Variants in IRX5 observed in about 807,000 individuals in gnomAD.
The protein encoded by IRX5 is iroquois homeobox 5.
A neutral mutation model predicts 37.6 loss-of-function variants in IRX5; 8 were observed. The ratio of observed to expected loss-of-function variants is 0.21; its 90% CI spans 0.12 to 0.38. The LOEUF (loss-of-function observed/expected upper bound fraction) is 0.38, where lower values mean the gene tolerates loss of function less well. Among genes scored for constraint, IRX5 ranks in the 10% least tolerant of loss-of-function variants. IRX5 has a pLI of 1.00. For synonymous variants in IRX5, 359 were observed against 328.6 expected, an observed-to-expected ratio of 1.09 and a Z score of -1.00; for missense variants, 635 against 695.2, an observed-to-expected ratio of 0.91 and a Z score of 0.97.
chr16:54,932,286 C>T lies in IRX5; in HGVS notation c.250-212C>T. ...GACAGCTTCAGGGGCCCCAGAAGGA[C>T]CTGACCCAGAAATTGAGGTCCCCGC... On this transcript the variant is annotated intron_variant, in intron 1 of 2. Transcript: ENST00000394636. This position sits in a 1 kb window ranked among gnomAD's most constrained non-coding sequence, Gnocchi z 6.7. 1 of 669,656 alleles carries T rather than the reference C, an allele frequency of 1.5e-6. No homozygotes were observed. 41.5% of individuals were successfully genotyped at this position (669,656 alleles called of 1,614,324 possible).
In IRX5 at chr16:54,933,205, G is replaced by C; in HGVS notation, c.784G>C (p.Asp262His). The change falls in exon 3 of 3, where the codon GAC becomes CAC. Residue 262 changes from aspartate to histidine, a missense_variant. Asp to His is a moderately conservative substitution (Grantham distance 81, BLOSUM62 -1). Around this residue, in one of 5 missense-constraint regions of IRX5, gnomAD observed 244 missense variants for 205.4 expected, o/e 1.19. Coordinates refer to ENST00000394636, the MANE Select transcript of IRX5 (RefSeq NM_005853.6). Reference sequence around the variant, plus strand: ...GGAGCCGCCCTCGGAGGGCCGCCTCGACGCGCTGCAGGGCCCCCCCCGCAC... The same window carrying C: ...GGAGCCGCCCTCGGAGGGCCGCCTCCACGCGCTGCAGGGCCCCCCCCGCAC... The part of the protein sequence containing the change: ...FKEPPSEGRL[D>H]ALQGPPRTGG... 5.2e-6 allele frequency: 8 copies of C among 1,533,916 alleles called. No homozygotes were observed. The highest frequency in any genetic ancestry group is 7.0e-6 in the Non-Finnish European group (8 of 1,147,130).
chr16:54,933,834 C>T lies in IRX5; in HGVS notation c.1413C>T (p.Asp471=). ...AGTCTCAGCTAGACCTGTGCAAAGA[C>T]TCTCCCTATGAATTGAAGAAAGGTA... ...RSQSQLDLCK[D]SPYELKKGMS... Residue 471 remains aspartate, a synonymous_variant, in exon 3 of 3, where the codon GAC becomes GAT. Transcript: ENST00000394636. 1 of 1,611,094 alleles carries T rather than the reference C, an allele frequency of 6.2e-7. No individual in the cohort carries two copies.
Position 54,931,303 on chromosome 16 carries a change from G to T in IRX5, c.105G>T (p.Glu35Asp), listed in dbSNP as rs1390213074. Residue 35 changes from glutamate (E) to aspartate (D), a missense_variant, in exon 1 of 3, where the codon GAG becomes GAT. Glu to Asp is a conservative substitution (Grantham distance 45, BLOSUM62 2). Coordinates refer to ENST00000394636, the MANE Select transcript of IRX5 (RefSeq NM_005853.6). ...TSVISGPRTD[E>D]LGRSSSGSAF... ...TCATTTCGGGGCCCCGCACGGATGA[G>T]CTCGGCCGCTCTTCTTCGGGCTCCG... The T allele has an allele frequency of 6.2e-7, 1 of 1,612,370 alleles. No homozygotes were observed. Among genetic ancestry groups the T allele is most frequent in the Non-Finnish European group, 8.5e-7 (1 of 1,179,622 alleles).
At position 54,933,243 on chromosome 16, in the gene IRX5, C is replaced by A. The variant is rs1963924862; in HGVS notation, c.822C>A (p.Ser274=). Residue 274 remains serine, a synonymous_variant, in exon 3 of 3, where the codon TCC becomes TCA. Coordinates refer to ENST00000394636, the MANE Select transcript of IRX5 (RefSeq NM_005853.6). ...LQGPPRTGGP[S]PAGPAAARLA... ...GCCCCCCCCGCACCGGCGGGCCCTCCCCGGCTGGGCCAGCGGCGGCGCGGC... is the reference window on the plus strand; with the variant it reads ...GCCCCCCCCGCACCGGCGGGCCCTCACCGGCTGGGCCAGCGGCGGCGCGGC... 6 of 1,408,572 alleles carry A rather than the reference C, an allele frequency of 4.3e-6. No individual in the cohort carries two copies. The highest frequency in any genetic ancestry group is 5.5e-6 in the Non-Finnish European group (6 of 1,090,044). The allele number at this position is 1,408,572 out of a possible 1,614,324, so 87.3% of individuals were successfully genotyped here. A position where few individuals can be genotyped will look rare whatever the true frequency, so the allele number is the denominator to read the frequency against.
chr16:54,931,344 C>T lies in IRX5; in HGVS notation c.146C>T (p.Ala49Val), dbSNP rs1190042085. The T allele has an allele frequency of 6.2e-7, 1 of 1,609,766 alleles. No individual in the cohort carries two copies. The highest frequency in any genetic ancestry group is 8.5e-7 in the Non-Finnish European group (1 of 1,179,592). The change falls in exon 1 of 3, where the codon GCT becomes GTT. Residue 49 changes from alanine to valine, a missense_variant. Coordinates refer to ENST00000394636, the MANE Select transcript of IRX5 (RefSeq NM_005853.6). The part of the protein sequence containing the change: ...SSSGSAFSPY[A>V]GSTAFTAPSP... ...TCGGGCTCCGCGTTCTCGCCCTACG[C>T]TGGCTCGACTGCCTTCACGGCGCCC...
chr16:54,933,271 G>A lies in IRX5; in HGVS notation c.850G>A (p.Ala284Thr). 7.5e-7 allele frequency: 1 copy of A among 1,325,608 alleles called. No homozygotes were observed. Among genetic ancestry groups the A allele is most frequent in the Non-Finnish European group, 9.5e-7 (1 of 1,048,606 alleles). The allele number at this position is 1,325,608 out of a possible 1,614,324, so 82.1% of individuals were successfully genotyped here. The change falls in exon 3 of 3, where the codon GCG becomes ACG. Residue 284 changes from alanine to threonine, a missense_variant. Physicochemically the swap from Ala to Thr is moderately conservative, Grantham distance 58. This residue lies in a region of IRX5 where 244 missense variants were observed against 205.4 expected (regional missense o/e 1.19). Transcript: ENST00000394636. ...SPAGPAAARL[A>T]EDPAPHYPAG... ...GGCTGGGCCAGCGGCGGCGCGGCTGGCGGAGGACCCGGCCCCTCACTACCC... is the reference window on the plus strand; with the variant it reads ...GGCTGGGCCAGCGGCGGCGCGGCTGACGGAGGACCCGGCCCCTCACTACCC...
chr16:54,931,993 T>C (rs1055644722), intron 1 of IRX5: 7 of 683,608 alleles, frequency 1.0e-5, no homozygotes, highest in Non-Finnish European at 1.9e-5. Flanking sequence ...CGGTCTGGGG[T>C]AGTATTTTTG....
At position 54,930,883 on chromosome 16, in the gene IRX5, T is replaced by C. The variant is rs1390144116; in HGVS notation, c.-316T>C. ...CCAACTTAGCATCTTGGCAGGACCT[T>C]TGCAAAGGCAAAAGCAGAGCCCCCC... On this transcript the variant is annotated 5_prime_UTR_variant, in exon 1 of 3. Transcript: ENST00000394636. The C allele has an allele frequency of 6.6e-6, 1 of 152,062 alleles. No homozygotes were observed. The highest frequency in any genetic ancestry group is 2.0e-4 in the East Asian group (1 of 5,088). 9.4% of individuals were successfully genotyped at this position (152,062 alleles called of 1,614,324 possible). A position where few individuals can be genotyped will look rare whatever the true frequency, so the allele number is the denominator to read the frequency against.
Position 54,933,139 on chromosome 16 carries a change from G to C in IRX5, c.718G>C (p.Gly240Arg), listed in dbSNP as rs1358104365. 1 of 1,584,726 alleles carries C rather than the reference G, an allele frequency of 6.3e-7. No individual in the cohort carries two copies. The highest frequency in any genetic ancestry group is 8.5e-7 in the Non-Finnish European group (1 of 1,172,492). ...ERLQGPPTPA[G>R]KETEGSLSDS... is the part of the protein sequence containing the mutation. ...GCTTCAGGGACCACCCACCCCTGCA[G>C]GCAAGGAGACGGAGGGCAGCCTCAG... The change falls in exon 3 of 3, where the codon GGC becomes CGC. Residue 240 changes from glycine (G) to arginine (R), a missense_variant. Physicochemically the swap from Gly to Arg is moderately radical, Grantham distance 125. Coordinates refer to ENST00000394636, the MANE Select transcript of IRX5 (RefSeq NM_005853.6).
chr16:54,932,481 C>A lies in IRX5; in HGVS notation c.250-17C>A, dbSNP rs762108202. ...GAGACCACGGTCCACACTCACCTCTCTGCGTCTCCACCGCAGGGCTCTCCC... is the reference window on the plus strand; with the variant it reads ...GAGACCACGGTCCACACTCACCTCTATGCGTCTCCACCGCAGGGCTCTCCC... On this transcript the variant is annotated splice_polypyrimidine_tract_variant and intron_variant, in intron 1 of 2. Coordinates refer to ENST00000394636, the MANE Select transcript of IRX5 (RefSeq NM_005853.6). The surrounding 1 kb of genome is among the most constrained non-coding windows in gnomAD (Gnocchi z 6.7). The A allele has an allele frequency of 6.3e-7, 1 of 1,594,372 alleles. No homozygotes were observed. Among genetic ancestry groups the A allele is most frequent in the East Asian group, 2.2e-5 (1 of 44,670 alleles).
rs1963939834 is a variant in IRX5, at chr16:54,934,019, C to T, written c.*146C>T. 4.0e-6 allele frequency: 3 copies of T among 746,654 alleles called. No individual in the cohort carries two copies. Among genetic ancestry groups the T allele is most frequent in the African/African-American group, 3.6e-5 (2 of 55,664 alleles). 46.3% of individuals were successfully genotyped at this position (746,654 alleles called of 1,614,324 possible). A position where few individuals can be genotyped will look rare whatever the true frequency, so the allele number is the denominator to read the frequency against. ...GTTTATAGTTTATGGAGATGGATGA[C>T]ATAAAAATGTAAACATCTCCACACA... is the stretch of plus-strand genomic sequence containing the variant. On this transcript the variant is annotated 3_prime_UTR_variant, in exon 3 of 3. Transcript: ENST00000394636.
rs776312915 is a variant in IRX5, at chr16:54,933,152, A to G, written c.731A>G (p.Glu244Gly). ...GPPTPAGKET[E>G]GSLSDSDFKE... ...CCCACCCCTGCAGGCAAGGAGACGGAGGGCAGCCTCAGCGACTCGGATTTT... is the reference window on the plus strand; with the variant it reads ...CCCACCCCTGCAGGCAAGGAGACGGGGGGCAGCCTCAGCGACTCGGATTTT... The change falls in exon 3 of 3, where the codon GAG (glutamate) becomes GGG (glycine). Residue 244 changes from glutamate (E) to glycine (G), a missense_variant. Physicochemically the swap from Glu to Gly is moderately conservative, Grantham distance 98. Transcript: ENST00000394636. 5 of 1,579,330 alleles carry G rather than the reference A, an allele frequency of 3.2e-6. No individual in the cohort carries two copies. In the Admixed American group the frequency reaches 8.8e-5, roughly 28 times the overall value.
intron 1 of IRX5, 106 bp downstream of exon 1, chr16:54,931,553 A>G: frequency 5.1e-6 from 7 of 1,376,086 alleles, no homozygotes; most frequent in Non-Finnish European, 6.7e-6. Flanking sequence ...CTCCCCCGCC[A>G]AGCTTCGCGG....
chr16:54,933,427 T>TCTTTGGCAGAGATCG lies in IRX5; in HGVS notation c.1008_1022dup (p.Leu337_Ala341dup). On this transcript the variant is annotated inframe_insertion, in exon 3 of 3. Transcript: ENST00000394636. Reference sequence around the variant, plus strand: ...GGTGCTCGCCAAGCCCAAACTGTGGTCTTTGGCAGAGATCGCCACATCGTC... The same window carrying TCTTTGGCAGAGATCG: ...GGTGCTCGCCAAGCCCAAACTGTGGTCTTTGGCAGAGATCGCTTTGGCAGAGATCGCCACATCGTC... 6.2e-7 allele frequency: 1 copy of TCTTTGGCAGAGATCG among 1,609,476 alleles called. No individual in the cohort carries two copies. Among genetic ancestry groups the TCTTTGGCAGAGATCG allele is most frequent in the African/African-American group, 1.3e-5 (1 of 74,940 alleles).
chr16:54,933,034 C>T, intron 2 of IRX5, 43 bp from the exon 3 acceptor site: 2 of 1,604,004 alleles, frequency 1.2e-6, no homozygotes, highest in African/African-American at 1.3e-5. Flanking sequence ...CGGGTCCCGC[C>T]GCGCGGCCTC....
intron 1 of IRX5, chr16:54,931,973 G>T: frequency 1.5e-6 from 1 of 654,300 alleles, no homozygotes; most frequent in South Asian, 1.6e-5. Context: ...TTTCGGCCGG[G>T]TTGTAACTTC....
chr16:54,931,196 G>T lies in IRX5; in HGVS notation c.-3G>T, dbSNP rs1963891178. The T allele has an allele frequency of 3.7e-6, 6 of 1,603,556 alleles. No homozygotes were observed. Among genetic ancestry groups the T allele is most frequent in the Non-Finnish European group, 4.3e-6 (5 of 1,176,350 alleles). On this transcript the variant is annotated 5_prime_UTR_variant, in exon 1 of 3. Coordinates refer to ENST00000394636, the MANE Select transcript of IRX5 (RefSeq NM_005853.6). ...GCGGCGCGCCCCATGCCCGTGTGTG[G>T]CCATGTCCTATCCGCAGGGCTACTT...
At position 54,934,140 on chromosome 16, in the gene IRX5, A is replaced by C. The variant is rs1433472885; in HGVS notation, c.*267A>C. Reference sequence around the variant, plus strand: ...ATTTAATGTAGCATTTTTGTATTTAAATTGATAATTCAATATCTTTGAAGT... The same window carrying C: ...ATTTAATGTAGCATTTTTGTATTTACATTGATAATTCAATATCTTTGAAGT... On this transcript the variant is annotated 3_prime_UTR_variant, in exon 3 of 3. Transcript: ENST00000394636. 4.6e-5 allele frequency: 13 copies of C among 281,420 alleles called. No individual in the cohort carries two copies. The highest frequency in any genetic ancestry group is 7.8e-5 in the Non-Finnish European group (12 of 153,424). The allele number at this position is 281,420 out of a possible 1,614,324, so 17.4% of individuals were successfully genotyped here. A position where few individuals can be genotyped will look rare whatever the true frequency, so the allele number is the denominator to read the frequency against.
chr16:54,932,874 A>T lies in IRX5; in HGVS notation c.626A>T (p.Asp209Val). The T allele has an allele frequency of 6.2e-7, 1 of 1,612,938 alleles. No homozygotes were observed. The change falls in exon 2 of 3, where the codon GAC becomes GTC. Residue 209 changes from aspartate (D) to valine (V), a missense_variant. By Grantham distance (152) the Asp-to-Val change is radical. Around this residue, in one of 5 missense-constraint regions of IRX5, gnomAD observed 244 missense variants for 205.4 expected, o/e 1.19. Transcript: ENST00000394636. The surrounding 1 kb of genome is among the most constrained non-coding windows in gnomAD (Gnocchi z 6.7). ...GAGGACGAGCCCCAGAAGCCCGAGG[A>T]CAAGGGCGACCCCGAGGGCCCCGAA... ...NDEDEPQKPEDKGDPEGPEAG... is the reference protein window; with the variant it reads ...NDEDEPQKPEVKGDPEGPEAG...
Sources: gnomAD v4.1 joint callset for allele counts on GRCh38, gnomAD v4.1.1 for gene constraint, gnomAD v4.1.1 regional missense constraint, Gnocchi (gnomAD v3.1) non-coding constraint, MANE v1.5 for transcripts, NCBI Gene and HGNC (gene_info 2026-07-23, HGNC 2026-07-21) for gene names.